Variants in ROBO2 observed in about 807,000 individuals in gnomAD.
ROBO2 encodes roundabout homolog 2.
ROBO2 carries 53 observed loss-of-function variants against 160.8 expected under a neutral mutation model. The observed-to-expected ratio is 0.33, with a 90% CI of 0.26 to 0.41. The LOEUF (loss-of-function observed/expected upper bound fraction) is 0.41. ROBO2 is among the 10% of genes least tolerant of loss of function. The probability of loss-of-function intolerance (pLI) is 1.00; values close to 1 mark genes in which losing one functional copy is unlikely to be tolerated. For synonymous variants in ROBO2, 664 were observed against 611.7 expected (o/e 1.09, Z -1.26); for missense variants, 1,577 against 1,722.4 (o/e 0.92, Z 1.49).
chr3:77,092,980 C>T (rs531477433), intron 1 of ROBO2, among the ~76,000 whole-genome samples: 1 of 151,754 alleles, frequency 6.6e-6, no homozygotes, highest in African/African-American at 2.4e-5. Flanking sequence ...GGTGGGCAAA[C>T]CTTGGTAAAT....
intron 2 of ROBO2, among the ~76,000 whole-genome samples, chr3:76,746,465 T>C (rs2093894023): frequency 6.6e-6 from 1 of 152,056 alleles, no homozygotes; most frequent in African/African-American, 2.4e-5. Context: ...GTAAAAGTGT[T>C]CCTATTTCTC....
At chr3:76,378,465 G>A (rs1184246465) in intron 2 of ROBO2, among the ~76,000 whole-genome samples, 1 of 152,088 alleles carries the variant, frequency 6.6e-6, no homozygotes, top group Non-Finnish European at 1.5e-5. Context: ...TTCTATTTAA[G>A]AAACGTTCGA....
intron 2 of ROBO2, among the ~76,000 whole-genome samples, chr3:75,999,912 T>G (rs1249992146): frequency 6.6e-6 from 1 of 152,248 alleles, no homozygotes; most frequent in Non-Finnish European, 1.5e-5. Flanking sequence ...AAATTATTTT[T>G]CAATGTGCTT....
intron 2 of ROBO2, among the ~76,000 whole-genome samples, chr3:77,304,632 A>G (rs1349551850): frequency 1.3e-5 from 2 of 152,212 alleles, no homozygotes; most frequent in Non-Finnish European, 2.9e-5. Context: ...TTTCTATTTC[A>G]TTCTGTGGCA....
rs373400227 is a variant in ROBO2 at position 76,943,643 on chromosome 3, A to G, written c.110-154371A>G. 5.3e-5 allele frequency among the ~76,000 whole-genome samples: 8 copies of G among 152,352 alleles called. No individual in the cohort carries two copies. The South Asian group carries it at 1.2e-3, about 24-fold the overall frequency. ...TTTGTTAACCAAAACACGTATTCAT[A>G]GTTAAGTATAGTCCTATTACCAGAA... On this transcript the variant is annotated intron_variant, in intron 2 of 26. Transcript: ENST00000487694.
chr3:76,502,162 A>G (rs1206169310), intron 2 of ROBO2, among the ~76,000 whole-genome samples: 1 of 152,196 alleles, frequency 6.6e-6, no homozygotes, highest in Admixed American at 6.5e-5. Context: ...GACAATGCAG[A>G]GACAGCCCAG....
intron 2 of ROBO2, among the ~76,000 whole-genome samples, chr3:76,842,767 G>A (rs1252480613): frequency 6.6e-6 from 1 of 152,068 alleles, no homozygotes; most frequent in African/African-American, 2.4e-5. Flanking sequence ...AATATTTTAA[G>A]ATAGAAATTT....
At chr3:77,542,710 C>T (rs552338859) in intron 6 of ROBO2, among the ~76,000 whole-genome samples, 85 of 152,152 alleles carry the variant, frequency 5.6e-4, no homozygotes, top group South Asian at 3.9e-3. Context: ...TTTAAAAGCC[C>T]TGATGAAATG....
chr3:77,538,668 C>T (rs774668555), intron 6 of ROBO2, among the ~76,000 whole-genome samples: 3 of 151,876 alleles, frequency 2.0e-5, no homozygotes, highest in Non-Finnish European at 4.4e-5. Flanking sequence ...TATGCATTTC[C>T]AATATTATTA....
rs80246223 is a variant in ROBO2, at chr3:77,090,912, A to G, written c.62-7102A>G. On this transcript the variant is annotated intron_variant, in intron 1 of 25. Coordinates refer to ENST00000461745, the Ensembl canonical transcript of ROBO2. ...TATTTATATCGTTTTGGGGAACAAT[A>G]TTTTGTTAAAACAGACATAGTTATG... is the stretch of plus-strand genomic sequence containing the variant. Among the ~76,000 whole-genome samples the G allele has an allele frequency of 2.1e-3, 321 of 152,278 alleles. 1 individual carries two copies. Among genetic ancestry groups the G allele is most frequent in the African/African-American group, 7.6e-3 (316 of 41,560 alleles).
chr3:77,274,914 A>G (rs372723164), intron 2 of ROBO2, among the ~76,000 whole-genome samples: 5 of 152,118 alleles, frequency 3.3e-5, no homozygotes, highest in East Asian at 1.9e-4. Context: ...TAAAAAACAG[A>G]TATCTATTTA....
intron 2 of ROBO2, among the ~76,000 whole-genome samples, chr3:77,330,523 T>A (rs2065869204): frequency 6.6e-6 from 1 of 152,120 alleles, no homozygotes. Flanking sequence ...TAATCTTTAT[T>A]TTCTCCAAAA....
chr3:77,258,341 A>C (rs1256214354), intron 2 of ROBO2, among the ~76,000 whole-genome samples: 1 of 152,240 alleles, frequency 6.6e-6, no homozygotes. Flanking sequence ...GGGAAATATG[A>C]GTGCTATAAA....
intron 1 of ROBO2, among the ~76,000 whole-genome samples, chr3:77,041,305 G>A (rs920613014): frequency 1.1e-4 from 16 of 152,226 alleles, no homozygotes; most frequent in African/African-American, 3.6e-4. Flanking sequence ...TGAGATCAAT[G>A]TGTATCACCT....
At chr3:75,936,664 T>C (rs1189840058) in intron 1 of ROBO2, among the ~76,000 whole-genome samples, 1 of 152,148 alleles carries the variant, frequency 6.6e-6, no homozygotes, top group Non-Finnish European at 1.5e-5. Flanking sequence ...CTATTCATTT[T>C]TGACACTTAT....
At chr3:76,663,645 T>C (rs1310725117) in intron 2 of ROBO2, among the ~76,000 whole-genome samples, 1 of 152,094 alleles carries the variant, frequency 6.6e-6, no homozygotes, top group Non-Finnish European at 1.5e-5. Flanking sequence ...AGTCATTCGT[T>C]ATGATGCTAA....
intron 2 of ROBO2, among the ~76,000 whole-genome samples, chr3:76,136,317 C>G (rs959714033): frequency 6.6e-6 from 1 of 151,850 alleles, no homozygotes. Context: ...TCCCTCCTGT[C>G]ATTTAGAATA....
intron 2 of ROBO2, among the ~76,000 whole-genome samples, chr3:76,879,960 T>A (rs1468466886): frequency 6.6e-6 from 1 of 152,164 alleles, no homozygotes; most frequent in Admixed American, 6.5e-5. Flanking sequence ...TGCAAATTAC[T>A]CATTATAAGA....
chr3:77,311,698 A>G (rs2063553395), intron 2 of ROBO2, among the ~76,000 whole-genome samples: 1 of 152,232 alleles, frequency 6.6e-6, no homozygotes, highest in Non-Finnish European at 1.5e-5. Context: ...TTAGTAGGAT[A>G]TGCTTTAATG....
Sources: allele counts gnomAD v4.1 joint callset (sites outside exome capture counted in the v4.1 genomes callset), GRCh38; gene constraint gnomAD v4.1.1; transcripts MANE v1.5; gene names NCBI Gene and HGNC (gene_info 2026-07-23, HGNC 2026-07-21).